Variants in FHIT observed in about 807,000 individuals in gnomAD.
The protein encoded by FHIT is fragile histidine triad diadenosine triphosphatase.
FHIT carries 19 observed loss-of-function variants against 17.9 expected under a neutral mutation model. The observed-to-expected ratio is 1.06, with a 90% CI of 0.74 to 1.56. The LOEUF (loss-of-function observed/expected upper bound fraction) is 1.56, where lower values mean the gene tolerates loss of function less well. Among genes scored for constraint, FHIT ranks in the 40% most tolerant of loss-of-function variants. The probability of loss-of-function intolerance (pLI) is 0.00; values close to 1 mark genes in which losing one functional copy is unlikely to be tolerated. For synonymous variants in FHIT, 81 were observed against 69.7 expected, an observed-to-expected ratio of 1.16 and a Z score of -0.81; for missense variants, 248 against 189.2, an observed-to-expected ratio of 1.31 and a Z score of -1.82.
intron 5 of FHIT, among the ~76,000 whole-genome samples, chr3:60,534,439 C>CAAAAA (rs563992117): frequency 0.21 from 6,759 of 32,120 alleles, 1,295 homozygotes; most frequent in East Asian, 0.44. Context: ...GACTCCGTCT[C>CAAAAA]AAAAAAAAAA....
chr3:61,162,984 T>A (rs1026715357), intron 2 of FHIT, among the ~76,000 whole-genome samples: 10 of 152,164 alleles, frequency 6.6e-5, no homozygotes, highest in Admixed American at 3.9e-4. Flanking sequence ...AGTATGAGAG[T>A]CATGATTTCA....
At chr3:60,826,152 TGGAA>T (rs201232384) in intron 3 of FHIT, among the ~76,000 whole-genome samples, 13,309 of 127,658 alleles carry the variant, frequency 0.1, 793 homozygotes, top group African/African-American at 0.13. Context: ...GATGAATGGA[TGGAA>T]GGAAGGAAGG....
chr3:60,566,143 C>A (rs1040604809), intron 4 of FHIT, among the ~76,000 whole-genome samples: 2 of 151,990 alleles, frequency 1.3e-5, no homozygotes, highest in Admixed American at 1.3e-4. Context: ...AATTTCTGTT[C>A]TTTTACATTT....
chr3:60,884,380 G>A (rs553353499), intron 3 of FHIT, among the ~76,000 whole-genome samples: 4 of 152,182 alleles, frequency 2.6e-5, no homozygotes, highest in Admixed American at 2.0e-4. Context: ...CTGAAAGAAA[G>A]GAAATCAGGA....
At chr3:59,882,757 C>T (rs1329034763) in intron 8 of FHIT, among the ~76,000 whole-genome samples, 3 of 152,182 alleles carry the variant, frequency 2.0e-5, no homozygotes, top group African/African-American at 7.2e-5. Flanking sequence ...ACACCTAACA[C>T]CTTGGTCCAT....
At chr3:60,334,764 G>A (rs77382279) in intron 5 of FHIT, among the ~76,000 whole-genome samples, 2,130 of 152,280 alleles carry the variant, frequency 0.014, 46 homozygotes, top group African/African-American at 0.048. Context: ...TCCAGACTGG[G>A]CGACGCCTGG....
intron 2 of FHIT, among the ~76,000 whole-genome samples, chr3:61,138,201 T>C (rs1310254278): frequency 1.3e-5 from 2 of 152,226 alleles, no homozygotes; most frequent in Non-Finnish European, 2.9e-5. Flanking sequence ...CAAATATGTC[T>C]TAGTCCAAGA....
chr3:60,562,411 A>G (rs1164808881), intron 4 of FHIT, among the ~76,000 whole-genome samples: 2 of 152,162 alleles, frequency 1.3e-5, no homozygotes, highest in Non-Finnish European at 2.9e-5. Context: ...TGTTTGAGAT[A>G]AATTGGCCAG....
chr3:60,249,805 T>C (rs530934816), intron 5 of FHIT, among the ~76,000 whole-genome samples: 8 of 151,736 alleles, frequency 5.3e-5, no homozygotes, highest in African/African-American at 1.7e-4. Context: ...ACTGGGCAAT[T>C]TATAAAGGAA....
chr3:61,204,116 T>A (rs1487244335), intron 1 of FHIT, among the ~76,000 whole-genome samples: 1 of 152,228 alleles, frequency 6.6e-6, no homozygotes, highest in Non-Finnish European at 1.5e-5. Flanking sequence ...TATTATTCTA[T>A]TTGTATAACA....
chr3:60,876,259 G>T (rs1704648519), intron 3 of FHIT, among the ~76,000 whole-genome samples: 1 of 152,032 alleles, frequency 6.6e-6, no homozygotes, highest in African/African-American at 2.4e-5. Context: ...AACAATCTGA[G>T]AATTTTGTAT....
At chr3:60,529,598 A>G (rs2035696328) in intron 5 of FHIT, among the ~76,000 whole-genome samples, 1 of 152,234 alleles carries the variant, frequency 6.6e-6, no homozygotes, top group Non-Finnish European at 1.5e-5. Context: ...CTGCAACACC[A>G]TGACCAGTCT....
At chr3:60,762,989 C>T (rs1328207971) in intron 4 of FHIT, among the ~76,000 whole-genome samples, 2 of 152,168 alleles carry the variant, frequency 1.3e-5, no homozygotes, top group Non-Finnish European at 2.9e-5. Context: ...CTGACTGCTA[C>T]ACCATTACAC....
chr3:59,807,074 T>C (rs1352633766), intron 8 of FHIT, among the ~76,000 whole-genome samples: 2 of 152,180 alleles, frequency 1.3e-5, no homozygotes, highest in African/African-American at 2.4e-5. Context: ...TTATCCAAAA[T>C]TCTGCTAAGG....
At chr3:60,263,306 C>G (rs1332752147) in intron 5 of FHIT, among the ~76,000 whole-genome samples, 1 of 151,894 alleles carries the variant, frequency 6.6e-6, no homozygotes, top group African/African-American at 2.4e-5. Context: ...GTAAATTTGA[C>G]TTTAAATATA....
rs187984894 is a variant in FHIT at position 60,959,577 on chromosome 3, G to C, written c.-111+82470C>G. On this transcript the variant is annotated intron_variant, in intron 3 of 9. Transcript: ENST00000492590. ...GAGCAGTGACAGGTGCCCATAAGGG[G>C]TTCGCCTAGTTTGGAGAGGAGAAAA... 2.0e-5 allele frequency among the ~76,000 whole-genome samples: 3 copies of C among 152,256 alleles called. No individual in the cohort carries two copies. The East Asian group carries it at 5.8e-4, about 29-fold the overall frequency.
intron 7 of FHIT, among the ~76,000 whole-genome samples, chr3:59,976,513 C>T (rs548587878): frequency 4.6e-5 from 7 of 151,934 alleles, no homozygotes; most frequent in South Asian, 4.2e-4. Context: ...CAGCCCACCA[C>T]CTATGTCATG....
intron 2 of FHIT, among the ~76,000 whole-genome samples, chr3:61,043,031 CCA>C (rs1273319319): frequency 2.0e-5 from 3 of 152,006 alleles, no homozygotes; most frequent in Non-Finnish European, 4.4e-5. Context: ...TCTACAGCTC[CCA>C]GCTTGAGTGA....
chr3:60,953,097 A>G (rs2107465086), intron 3 of FHIT, among the ~76,000 whole-genome samples: 1 of 152,340 alleles, frequency 6.6e-6, no homozygotes, highest in Admixed American at 6.5e-5. Context: ...TTCACTCTCA[A>G]TATGCCTTAA....
Sources: gnomAD v4.1 joint callset for allele counts (sites outside exome capture counted in the v4.1 genomes callset) on GRCh38, gnomAD v4.1.1 for gene constraint, MANE v1.5 for transcripts, NCBI Gene and HGNC (gene_info 2026-07-23, HGNC 2026-07-21) for gene names.